Variants in UMAD1 observed in about 807,000 individuals in gnomAD.
The protein encoded by UMAD1 is UBAP1-MVB12-associated (UMA) domain containing 1.
Under a neutral mutation model 6.1 loss-of-function variants are expected in UMAD1, and 8 were observed. The observed-to-expected ratio is 1.30, with a 90% CI of 0.76 to 2.35. UMAD1 has a LOEUF of 2.35. Ranked by LOEUF, UMAD1 falls within the 30% of genes most tolerant of loss-of-function variation. The pLI, the probability that UMAD1 is intolerant of heterozygous loss-of-function variation, is 0.00. For synonymous variants in UMAD1, 56 were observed against 31.4 expected, an observed-to-expected ratio of 1.78 and a Z score of -2.61; for missense variants, 130 against 78.4, an observed-to-expected ratio of 1.66 and a Z score of -2.49.
At chr7:7,670,464 G>A (rs1389655878) in intron 1 of UMAD1, among the ~76,000 whole-genome samples, 2 of 152,178 alleles carry the variant, frequency 1.3e-5, no homozygotes, top group South Asian at 2.1e-4. Context: ...GTCCTATTAT[G>A]TCTCCATAAA....
chr7:7,680,749 G>C (rs1274897529), intron 2 of UMAD1, among the ~76,000 whole-genome samples: 1 of 151,654 alleles, frequency 6.6e-6, no homozygotes, highest in Admixed American at 6.6e-5. Flanking sequence ...TTTTATTTTA[G>C]AGATCTTTCA....
At chr7:7,858,261 C>T (rs563071315) in intron 3 of UMAD1, among the ~76,000 whole-genome samples, 34 of 152,240 alleles carry the variant, frequency 2.2e-4, no homozygotes, top group African/African-American at 7.7e-4. Flanking sequence ...TCAGTAACAG[C>T]TAATATAATT....
intron 3 of UMAD1, among the ~76,000 whole-genome samples, chr7:7,818,962 G>T (rs1181600500): frequency 2.0e-5 from 3 of 152,110 alleles, no homozygotes; most frequent in Non-Finnish European, 2.9e-5. Context: ...CGATTCTCCT[G>T]CCTCAGCCTC....
At chr7:7,700,332 T>TA (rs1308224794) in intron 2 of UMAD1, among the ~76,000 whole-genome samples, 1 of 152,198 alleles carries the variant, frequency 6.6e-6, no homozygotes, top group Non-Finnish European at 1.5e-5. Flanking sequence ...AAAGGTCTCC[T>TA]AATACCATCA....
At chr7:7,780,001 A>C (rs867396999) in intron 2 of UMAD1, among the ~76,000 whole-genome samples, 7 of 152,256 alleles carry the variant, frequency 4.6e-5, no homozygotes, top group Non-Finnish European at 8.8e-5. Flanking sequence ...CTTTGTGTAC[A>C]TACAGTAGTC....
At chr7:7,801,123 C>T (rs906186003) in intron 2 of UMAD1, among the ~76,000 whole-genome samples, 7 of 152,200 alleles carry the variant, frequency 4.6e-5, no homozygotes, top group Non-Finnish European at 1.0e-4. Context: ...CAGTCAGGCA[C>T]TAGCCTTAGG....
chr7:7,750,299 C>T (rs1213885588), intron 2 of UMAD1, among the ~76,000 whole-genome samples: 1 of 152,172 alleles, frequency 6.6e-6, no homozygotes, highest in Non-Finnish European at 1.5e-5. Flanking sequence ...GTCCATTTCA[C>T]ATCTGTCAGG....
intron 3 of UMAD1, among the ~76,000 whole-genome samples, chr7:7,833,898 A>G (rs1008594104): frequency 2.0e-5 from 3 of 152,130 alleles, no homozygotes; most frequent in East Asian, 1.9e-4. Context: ...TCTGCTTCCC[A>G]TCTTATTCTG....
chr7:7,877,578 T>G lies in UMAD1; in HGVS notation c.*40T>G. On this transcript the variant is annotated 3_prime_UTR_variant, in exon 4 of 4. Transcript: ENST00000682710. Reference sequence around the variant, plus strand: ...TGCACCTTAACAGCTTTAAAATATGTTCGCCTATTTTATCTAACCTGTTTG... The same window carrying G: ...TGCACCTTAACAGCTTTAAAATATGGTCGCCTATTTTATCTAACCTGTTTG... The G allele has an allele frequency of 1.4e-6, 1 of 703,408 alleles. No individual in the cohort carries two copies. Among genetic ancestry groups the G allele is most frequent in the East Asian group, 2.7e-5 (1 of 37,158 alleles). The allele number at this position is 703,408 out of a possible 1,614,324, so 43.6% of individuals were successfully genotyped here. A position where few individuals can be genotyped will look rare whatever the true frequency, so the allele number is the denominator to read the frequency against.
At chr7:7,841,913 A>G (rs1032001542) in intron 3 of UMAD1, among the ~76,000 whole-genome samples, 7 of 152,198 alleles carry the variant, frequency 4.6e-5, no homozygotes, top group African/African-American at 1.7e-4. Flanking sequence ...AATGAATAAA[A>G]GATCTAATTT....
intron 3 of UMAD1, among the ~76,000 whole-genome samples, chr7:7,868,809 A>G (rs1009465194): frequency 6.6e-6 from 1 of 152,180 alleles, no homozygotes; most frequent in Non-Finnish European, 1.5e-5. Flanking sequence ...TATCAGTGAC[A>G]ACATATCCTG....
At chr7:7,835,406 TA>T (rs1209057960) in intron 3 of UMAD1, among the ~76,000 whole-genome samples, 92 of 143,418 alleles carry the variant, frequency 6.4e-4, no homozygotes, top group African/African-American at 2.1e-3. Flanking sequence ...TTTTTTGCTT[TA>T]AAAAAAAATC....
chr7:7,744,762 T>C (rs1265432140), intron 2 of UMAD1, among the ~76,000 whole-genome samples: 1 of 152,212 alleles, frequency 6.6e-6, no homozygotes, highest in Non-Finnish European at 1.5e-5. Flanking sequence ...TTTTAAGTCA[T>C]ATTATTTGTC....
At chr7:7,778,302 G>GAC (rs1563198605) in intron 2 of UMAD1, among the ~76,000 whole-genome samples, 15 of 149,146 alleles carry the variant, frequency 1.0e-4, no homozygotes, top group African/African-American at 3.2e-4. Context: ...GAGAGACAGA[G>GAC]AGAGAGCGTA....
intron 3 of UMAD1, among the ~76,000 whole-genome samples, chr7:7,870,655 A>G (rs1183349696): frequency 6.6e-6 from 1 of 152,178 alleles, no homozygotes; most frequent in Non-Finnish European, 1.5e-5. Context: ...TCAGGTTTAT[A>G]GGCTGTAGGG....
At chr7:7,763,029 A>C (rs1583807394) in intron 2 of UMAD1, among the ~76,000 whole-genome samples, 2 of 152,320 alleles carry the variant, frequency 1.3e-5, no homozygotes, top group East Asian at 3.9e-4. Context: ...ATGGAAACCT[A>C]GTATTTAGGA....
chr7:7,775,131 A>G (rs149651035), intron 2 of UMAD1, among the ~76,000 whole-genome samples: 28 of 152,288 alleles, frequency 1.8e-4, no homozygotes, highest in African/African-American at 6.0e-4. Context: ...TTTCTTCACC[A>G]TTCATGCTTT....
intron 1 of UMAD1, among the ~76,000 whole-genome samples, chr7:7,645,056 G>A (rs1388394295): frequency 6.6e-6 from 1 of 151,990 alleles, no homozygotes; most frequent in African/African-American, 2.4e-5. Context: ...TTGCTATTAT[G>A]AATGGTATCA....
intron 2 of UMAD1, among the ~76,000 whole-genome samples, chr7:7,772,920 G>A (rs557405626): frequency 6.7e-6 from 1 of 149,128 alleles, no homozygotes; most frequent in South Asian, 2.1e-4. Context: ...TTAAAGAGGG[G>A]TTTCCCCTTA....
Sources: allele counts gnomAD v4.1 joint callset (sites outside exome capture counted in the v4.1 genomes callset), GRCh38; gene constraint gnomAD v4.1.1; transcripts MANE v1.5; gene names NCBI Gene and HGNC (gene_info 2026-07-23, HGNC 2026-07-21).